Variants in POMGNT1 observed in about 807,000 individuals in gnomAD.
The protein encoded by POMGNT1 is protein O-linked-mannose beta-1,2-N-acetylglucosaminyltransferase 1.
A neutral mutation model predicts 95.6 loss-of-function variants in POMGNT1; 67 were observed. That is an observed-to-expected ratio of 0.70 (90% CI 0.58 to 0.86). The LOEUF (loss-of-function observed/expected upper bound fraction) is 0.86. Among genes scored for constraint, POMGNT1 ranks in the 40% least tolerant of loss-of-function variants. The pLI, the probability that POMGNT1 is intolerant of heterozygous loss-of-function variation, is 0.00. For missense variants in POMGNT1, 719 were observed against 855.2 expected (o/e 0.84, Z 1.99); for synonymous variants, 298 against 317.9 (o/e 0.94, Z 0.66).
intron 1 of POMGNT1, 136 bp from the exon 2 acceptor site, chr1:46,198,007 A>G: frequency 3.7e-6 from 3 of 820,482 alleles, no homozygotes; most frequent in Non-Finnish European, 5.6e-6. Flanking sequence ...AAGTGGCTCA[A>G]CTTCTCTGGG....
rs1658293645 is a variant in POMGNT1 at position 46,196,952 on chromosome 1, T to G, written c.235+18A>C. 6.2e-7 allele frequency: 1 copy of G among 1,614,046 alleles called. No homozygotes were observed. The highest frequency in any genetic ancestry group is 1.3e-5 in the African/African-American group (1 of 74,914). ...GTGAGATCCAAGGCCCCCTACCCCA[T>G]CCTTAGCCTAGCCCTACCATAGTCT... On this transcript the variant is annotated intron_variant, in intron 3 of 21. Transcript: ENST00000371984. This position sits in a 1 kb window ranked among gnomAD's most constrained non-coding sequence, Gnocchi z 4.4.
chr1:46,194,683 G>A (rs1313158693), intron 7 of POMGNT1, 32 bp from the exon 8 acceptor site: 7 of 1,614,154 alleles, frequency 4.3e-6, no homozygotes, highest in Non-Finnish European at 5.9e-6. Flanking sequence ...GGCCATGGGG[G>A]CCCAGACACC....
upstream of POMGNT1, among the ~76,000 whole-genome samples, chr1:46,202,103 C>T (rs1334203576): frequency 1.5e-5 from 2 of 137,562 alleles, no homozygotes; most frequent in Admixed American, 1.4e-4. Flanking sequence ...GTATGAACAC[C>T]AAAAGAAAAA....
rs915738642 is a variant in POMGNT1, at chr1:46,192,350, C to T, written c.1371G>A (p.Leu457=). The change falls in exon 16 of 22, where the codon TTG becomes TTA. Residue 457 remains leucine (L), a synonymous_variant. Coordinates refer to ENST00000371984, the MANE Select transcript of POMGNT1 (RefSeq NM_017739.4). ...ACTTGGGCTCAAGCTCCTCCTTGTA[C>T]AAGGACCTCCTGAGCACCCAGCCCA... ...PGLGWVLRRS[L]YKEELEPKWP... 8.7e-6 allele frequency: 14 copies of T among 1,614,194 alleles called. No homozygotes were observed. The highest frequency in any genetic ancestry group is 2.2e-5 in the East Asian group (1 of 44,882).
chr1:46,197,116 G>A (rs1229837175), intron 2 of POMGNT1, 32 bp from the exon 3 acceptor site: 1 of 1,613,782 alleles, frequency 6.2e-7, no homozygotes, highest in Non-Finnish European at 8.5e-7. Flanking sequence ...ATTAAGAGGA[G>A]CACCTCCTTC....
At chr1:46,190,295 C>T (rs1280949512) in intron 19 of POMGNT1, 178 bp downstream of exon 19, 12 of 819,664 alleles carry the variant, frequency 1.5e-5, no homozygotes, top group East Asian at 5.2e-5. Flanking sequence ...CCACCCACCT[C>T]GGCCTCCCAA....
At chr1:46,197,469 T>C (rs1658338504) in intron 2 of POMGNT1, 4 of 1,486,440 alleles carry the variant, frequency 2.7e-6, no homozygotes, top group Non-Finnish European at 3.6e-6. Context: ...AAAGCCAGCC[T>C]GATCAGACTT....
chr1:46,202,906 T>TGGGGGG (rs781252454), upstream of POMGNT1, among the ~76,000 whole-genome samples: 4 of 7,572 alleles, frequency 5.3e-4, no homozygotes, highest in Non-Finnish European at 7.6e-4. Flanking sequence ...TTCTAGCCCC[T>TGGGGGG]GGGGGGGGGG....
At chr1:46,218,335 A>G (rs188208442) in intron 1 of POMGNT1, among the ~76,000 whole-genome samples, 5 of 152,340 alleles carry the variant, frequency 3.3e-5, no homozygotes, top group African/African-American at 1.2e-4. Context: ...GTAGTGAGCC[A>G]TGACTGTGCC....
chr1:46,201,260 C>T (rs1571677560), upstream of POMGNT1, among the ~76,000 whole-genome samples: 1 of 152,040 alleles, frequency 6.6e-6, no homozygotes, highest in East Asian at 1.9e-4. Context: ...GCCTGTAATC[C>T]CAGCACTTTG....
chr1:46,212,951 A>G (rs886889443), intron 1 of POMGNT1, among the ~76,000 whole-genome samples: 3 of 151,714 alleles, frequency 2.0e-5, no homozygotes, highest in Non-Finnish European at 4.4e-5. Flanking sequence ...TTTTTAGTAG[A>G]GACGGGGTTT....
chr1:46,197,154 G>T, intron 2 of POMGNT1, 70 bp from the exon 3 acceptor site: 3 of 1,611,572 alleles, frequency 1.9e-6, no homozygotes. Context: ...TCTGAAAGGA[G>T]GGCCCTGGCT....
chr1:46,190,020 GACA>G (rs1557669505), intron 19 of POMGNT1, 31 bp from the exon 20 acceptor site: 1 of 1,612,496 alleles, frequency 6.2e-7, no homozygotes, highest in East Asian at 2.2e-5. Flanking sequence ...ATATAGCCAA[GACA>G]GGGCCCACTT....
Position 46,194,895 on chromosome 1 carries a change from C to A in POMGNT1, c.601G>T (p.Gly201Cys). The part of the protein sequence containing the change: ...ALLRSLGSQA[G>C]PALGWRDTWA... ...GTGTCCCTCCAGCCCAGGGCAGGGC[C>A]AGCCTGGCTGCCCAGGCTCCTCAGC... Residue 201 changes from glycine to cysteine, a missense_variant, in exon 7 of 22, where the codon GGC (glycine) becomes TGC (cysteine). Around this residue, in one of 5 missense-constraint regions of POMGNT1, gnomAD observed 466 missense variants for 517.4 expected, o/e 0.90. Transcript: ENST00000371984. 6.2e-7 allele frequency: 1 copy of A among 1,614,192 alleles called. No individual in the cohort carries two copies. Among genetic ancestry groups the A allele is most frequent in the Admixed American group, 1.7e-5 (1 of 60,034 alleles).
chr1:46,192,049 T>C lies in POMGNT1; in HGVS notation c.1539+49A>G, dbSNP rs780184699. 3 of 1,576,880 alleles carry C rather than the reference T, an allele frequency of 1.9e-6. No homozygotes were observed. In the South Asian group the frequency reaches 3.4e-5, roughly 18 times the overall value. ...GATTGCTTCAGAGTCCATGTTCTTG[T>C]TCTTGACTGTCATGCCACACTGTGC... On this transcript the variant is annotated intron_variant, in intron 17 of 21. Transcript: ENST00000371984.
chr1:46,191,421 G>T, intron 17 of POMGNT1: 1 of 181,798 alleles, frequency 5.5e-6, no homozygotes, highest in Non-Finnish European at 1.2e-5. Flanking sequence ...ATAGGCTCCA[G>T]CACTTGCCAA....
chr1:46,210,706 G>C (rs1156864549), intron 1 of POMGNT1, among the ~76,000 whole-genome samples: 1 of 152,172 alleles, frequency 6.6e-6, no homozygotes, highest in African/African-American at 2.4e-5. Context: ...CGGAACTTCT[G>C]TGCTCTCCCT....
intron 1 of POMGNT1, among the ~76,000 whole-genome samples, chr1:46,204,316 G>T (rs1658644995): frequency 6.6e-6 from 1 of 152,182 alleles, no homozygotes. Flanking sequence ...GGGGAGAAGA[G>T]GAAACAGCAA....
chr1:46,198,530 CGGCGGCGGCGGT>C (rs1039007977), upstream of POMGNT1: 2 of 148,038 alleles, frequency 1.4e-5, no homozygotes, highest in Admixed American at 7.3e-5. Context: ...GCGGCGGCGG[CGGCGGCGGCGGT>C]GGCGGCAGCG....
Sources: gnomAD v4.1 joint callset for allele counts (sites outside exome capture counted in the v4.1 genomes callset) on GRCh38, gnomAD v4.1.1 for gene constraint, gnomAD v4.1.1 regional missense constraint, Gnocchi (gnomAD v3.1) non-coding constraint, MANE v1.5 for transcripts, NCBI Gene and HGNC (gene_info 2026-07-23, HGNC 2026-07-21) for gene names.